CELF4: variants seen among roughly 807,000 people sequenced by gnomAD.
CELF4 encodes CUG-BP- and ETR-3-like factor 4.
Under a neutral mutation model 59.9 loss-of-function variants are expected in CELF4, and 18 were observed. The observed-to-expected ratio is 0.30, with a 90% CI of 0.21 to 0.45. CELF4 has a LOEUF of 0.45. Ranked by LOEUF, CELF4 falls within the 20% of genes least tolerant of loss-of-function variation. CELF4 has a pLI of 1.00. For missense variants in CELF4, 456 were observed against 689.0 expected (o/e 0.66, Z 3.79); for synonymous variants, 261 against 267.1 (o/e 0.98, Z 0.22).
intron 11 of CELF4, among the ~76,000 whole-genome samples, chr18:37,258,543 T>G (rs1007401600): frequency 6.6e-6 from 1 of 152,190 alleles, no homozygotes; most frequent in African/African-American, 2.4e-5. Context: ...CTCCTCTTCC[T>G]GACTCCTCAA....
chr18:37,403,724 G>A (rs1175026075), intron 2 of CELF4, among the ~76,000 whole-genome samples: 1 of 152,226 alleles, frequency 6.6e-6, no homozygotes, highest in Non-Finnish European at 1.5e-5. Context: ...CTAGGCAGAA[G>A]CGTGAGTGAT....
chr18:37,258,042 T>C (rs565339474), intron 11 of CELF4, among the ~76,000 whole-genome samples: 1 of 152,334 alleles, frequency 6.6e-6, no homozygotes, highest in South Asian at 2.1e-4. Context: ...CTTTTTACTG[T>C]AAGTACATAC....
At chr18:37,418,250 C>T (rs1025553161) in intron 2 of CELF4, among the ~76,000 whole-genome samples, 20 of 152,196 alleles carry the variant, frequency 1.3e-4, no homozygotes, top group Admixed American at 1.3e-3. Context: ...CAGTGGGGGA[C>T]ATTGGTAAAA....
At chr18:37,424,989 T>C (rs1164433618) in intron 2 of CELF4, among the ~76,000 whole-genome samples, 1 of 152,222 alleles carries the variant, frequency 6.6e-6, no homozygotes, top group East Asian at 1.9e-4. Context: ...CAGTGCTCTC[T>C]GGCCACTGTG....
At chr18:37,483,455 T>A (rs1207866279) in intron 2 of CELF4, among the ~76,000 whole-genome samples, 1 of 152,170 alleles carries the variant, frequency 6.6e-6, no homozygotes, top group Non-Finnish European at 1.5e-5. Flanking sequence ...GGGATGGTGT[T>A]CGAGGGGACT....
intron 2 of CELF4, among the ~76,000 whole-genome samples, chr18:37,336,919 G>A (rs1036804627): frequency 6.6e-6 from 1 of 152,160 alleles, no homozygotes; most frequent in Admixed American, 6.5e-5. Flanking sequence ...CTGCCGGGCT[G>A]GCCCCATGAC....
chr18:37,299,319 T>G (rs1569546963), intron 3 of CELF4, among the ~76,000 whole-genome samples: 1 of 152,146 alleles, frequency 6.6e-6, no homozygotes, highest in South Asian at 2.1e-4. Flanking sequence ...GATTTATATG[T>G]TGTTTATATG....
intron 3 of CELF4, among the ~76,000 whole-genome samples, chr18:37,303,231 C>T (rs548707016): frequency 1.3e-5 from 2 of 152,110 alleles, no homozygotes; most frequent in East Asian, 3.9e-4. Context: ...GCATTGAGGG[C>T]TAAGGGGATT....
At chr18:37,403,667 C>A (rs1273178246) in intron 2 of CELF4, among the ~76,000 whole-genome samples, 3 of 152,164 alleles carry the variant, frequency 2.0e-5, no homozygotes, top group Non-Finnish European at 4.4e-5. Context: ...GGGCGTGGGA[C>A]AGGCAGGACA....
At chr18:37,316,008 C>T (rs2096856768) in intron 3 of CELF4, among the ~76,000 whole-genome samples, 1 of 152,168 alleles carries the variant, frequency 6.6e-6, no homozygotes, top group Non-Finnish European at 1.5e-5. Flanking sequence ...ACTGTCCTGT[C>T]ACCTGGACTG....
At chr18:37,412,962 C>A (rs374394920) in intron 2 of CELF4, among the ~76,000 whole-genome samples, 1 of 152,108 alleles carries the variant, frequency 6.6e-6, no homozygotes, top group South Asian at 2.1e-4. Flanking sequence ...ACTGCCTGCT[C>A]ATGGCTTATA....
At chr18:37,350,051 C>T (rs1018157099) in intron 2 of CELF4, among the ~76,000 whole-genome samples, 36 of 152,070 alleles carry the variant, frequency 2.4e-4, no homozygotes, top group Non-Finnish European at 7.4e-5. Flanking sequence ...CCGAAGCAGG[C>T]TGTGGCAGTG....
chr18:37,332,757 G>A (rs1260048980), intron 2 of CELF4, among the ~76,000 whole-genome samples: 1 of 152,182 alleles, frequency 6.6e-6, no homozygotes, highest in Non-Finnish European at 1.5e-5. Context: ...AAGGTGGAAG[G>A]ACACGATGAA....
intron 2 of CELF4, among the ~76,000 whole-genome samples, chr18:37,463,929 G>A (rs1316470295): frequency 6.6e-6 from 1 of 151,964 alleles, no homozygotes; most frequent in Non-Finnish European, 1.5e-5. Flanking sequence ...GGCCTTCCTT[G>A]GTTTATGGTA....
In CELF4 at chr18:37,327,513, C is replaced by T. The variant is rs1355189054; in HGVS notation, c.370-5632G>A. Among the ~76,000 whole-genome samples, 4 of 152,196 alleles carry T rather than the reference C, an allele frequency of 2.6e-5. 1 individual carries two copies. Among genetic ancestry groups the T allele is most frequent in the African/African-American group, 9.6e-5 (4 of 41,454 alleles). On this transcript the variant is annotated intron_variant, in intron 2 of 12. Coordinates refer to ENST00000420428, the MANE Select transcript of CELF4 (RefSeq NM_020180.4). ...TGTGGAGCCCAACTGCATTCTGCCA[C>T]CAAAGGAGGGGAATGTCTTCACCTG... is the stretch of plus-strand genomic sequence containing the variant.
At chr18:37,543,972 G>A (rs141433281) in intron 1 of CELF4, among the ~76,000 whole-genome samples, 1,950 of 152,068 alleles carry the variant, frequency 0.013, 21 homozygotes, top group Middle Eastern at 0.037. Context: ...GGCTCGGTGC[G>A]GTCTGTCCAG....
chr18:37,375,136 C>A (rs561505151), intron 2 of CELF4, among the ~76,000 whole-genome samples: 147 of 152,220 alleles, frequency 9.7e-4, no homozygotes, highest in African/African-American at 3.4e-3. Context: ...GGCATGAGAG[C>A]CCGTGGGTGC....
At chr18:37,553,873 G>C (rs2099983979) in intron 1 of CELF4, among the ~76,000 whole-genome samples, 1 of 152,152 alleles carries the variant, frequency 6.6e-6, no homozygotes, top group South Asian at 2.1e-4. Flanking sequence ...TTCAGACTGG[G>C]GCCCGCAGTG....
chr18:37,257,321 T>C (rs2070481051), intron 11 of CELF4, among the ~76,000 whole-genome samples: 1 of 152,198 alleles, frequency 6.6e-6, no homozygotes, highest in Non-Finnish European at 1.5e-5. Context: ...TGGGACTTCC[T>C]TAAAGAGCAG....
Sources: gnomAD v4.1 joint callset for allele counts (sites outside exome capture counted in the v4.1 genomes callset) on GRCh38, gnomAD v4.1.1 for gene constraint, MANE v1.5 for transcripts, NCBI Gene and HGNC (gene_info 2026-07-23, HGNC 2026-07-21) for gene names.